KANK1: variants seen among roughly 807,000 people sequenced by gnomAD.
The protein encoded by KANK1 is KN motif and ankyrin repeat domain-containing protein 1.
Under a neutral mutation model 106.2 loss-of-function variants are expected in KANK1, and 109 were observed. That is an observed-to-expected ratio of 1.03 (90% CI 0.88 to 1.20). KANK1 has a LOEUF of 1.20. Among genes scored for constraint, KANK1 ranks in the 50% most tolerant of loss-of-function variants. The probability of loss-of-function intolerance (pLI) is 0.00; values close to 1 mark genes in which losing one functional copy is unlikely to be tolerated. For missense variants in KANK1, 2,399 were observed against 1,710.7 expected (o/e 1.40, Z -7.10); for synonymous variants, 873 against 652.2 (o/e 1.34, Z -5.16).
intron 1 of KANK1, among the ~76,000 whole-genome samples, chr9:653,986 G>C (rs1015590588): frequency 2.0e-4 from 30 of 152,136 alleles, no homozygotes; most frequent in African/African-American, 5.6e-4. Flanking sequence ...ATACTTCCTG[G>C]TTACAGCCAA....
At chr9:619,507 A>G (rs960619887) in intron 1 of KANK1, among the ~76,000 whole-genome samples, 1 of 152,186 alleles carries the variant, frequency 6.6e-6, no homozygotes, top group Admixed American at 6.5e-5. Flanking sequence ...AGAAGAGCCA[A>G]CATTAGTTCA....
intron 1 of KANK1, among the ~76,000 whole-genome samples, chr9:574,574 C>G (rs977498852): frequency 2.0e-5 from 3 of 152,040 alleles, no homozygotes; most frequent in South Asian, 2.1e-4. Flanking sequence ...TATTCTTTCT[C>G]AGCCGCGCGT....
chr9:575,814 G>A (rs993537296), intron 1 of KANK1, among the ~76,000 whole-genome samples: 4 of 152,248 alleles, frequency 2.6e-5, no homozygotes, highest in Non-Finnish European at 5.9e-5. Context: ...CTTGAGGTCA[G>A]GAGTTCAAGA....
At chr9:556,494 A>G (rs2061592487) in intron 1 of KANK1, among the ~76,000 whole-genome samples, 2 of 152,198 alleles carry the variant, frequency 1.3e-5, no homozygotes, top group Non-Finnish European at 2.9e-5. Context: ...TTAAAGTGCT[A>G]TGATGTACAA....
rs555171832 is a variant in KANK1, at chr9:723,017, A to C, written c.2699-7034A>C. On this transcript the variant is annotated intron_variant, in intron 3 of 11. Transcript: ENST00000382297. ...ATAGAAAAAAGACTAGAGAAGATAG[A>C]ATTTGGGCCAAGCCTTGAAAAGAGT... Among the ~76,000 whole-genome samples the C allele has an allele frequency of 1.1e-4, 17 of 152,316 alleles. 1 individual carries two copies. The East Asian group carries it at 2.9e-3, about 26-fold the overall frequency.
At chr9:490,355 G>GA (rs1235826738) in intron 3 of KANK1, among the ~76,000 whole-genome samples, 3 of 151,700 alleles carry the variant, frequency 2.0e-5, no homozygotes, top group South Asian at 2.1e-4. Flanking sequence ...AAATTAAAAA[G>GA]AAAAAAAAGC....
In KANK1 at chr9:738,637, A is replaced by G. The variant is rs59681432; in HGVS notation, c.3553+133A>G. The G allele has an allele frequency of 2.3e-3, 1,639 of 700,426 alleles. 21 individuals are homozygous for G. In the African/African-American group the frequency reaches 0.026, roughly 11 times the overall value. 43.4% of individuals were successfully genotyped at this position (700,426 alleles called of 1,614,324 possible). ...CCTTTTTATTGCTTTTCCACATGAC[A>G]TGGCAAGAATTTTCTTGAGTCATTC... On this transcript the variant is annotated intron_variant, in intron 8 of 11. Coordinates refer to ENST00000382297, the MANE Select transcript of KANK1 (RefSeq NM_015158.5).
Position 713,016 on chromosome 9 carries a change from G to T in KANK1, c.2250G>T (p.Arg750Ser). ...TTTCTGGCCATTCTGGGTTTGACAG[G>T]CCATCAGCTGTGAAGACCAAAGAGT... ...TLLSGHSGFD[R>S]PSAVKTKESG... is the part of the protein sequence containing the mutation. The change falls in exon 3 of 12, where the codon AGG becomes AGT. Residue 750 changes from arginine to serine, a missense_variant. Arg to Ser is a moderately radical substitution (Grantham distance 110, BLOSUM62 -1). Coordinates refer to ENST00000382297, the MANE Select transcript of KANK1 (RefSeq NM_015158.5). 1 of 1,614,154 alleles carries T rather than the reference G, an allele frequency of 6.2e-7. No individual in the cohort carries two copies. Among genetic ancestry groups the T allele is most frequent in the Non-Finnish European group, 8.5e-7 (1 of 1,180,018 alleles).
At chr9:724,217 T>C (rs10815530) in intron 3 of KANK1, among the ~76,000 whole-genome samples, 55,008 of 151,946 alleles carry the variant, frequency 0.36, 11,766 homozygotes, top group Non-Finnish European at 0.49. Context: ...TTAGAGTTCT[T>C]TTAGGGACAT....
At chr9:476,094 T>C (rs1409524492) in intron 3 of KANK1, among the ~76,000 whole-genome samples, 1 of 148,324 alleles carries the variant, frequency 6.7e-6, no homozygotes, top group African/African-American at 2.5e-5. Flanking sequence ...CTCACTGTGA[T>C]CCACCTGCTT....
intron 1 of KANK1, among the ~76,000 whole-genome samples, chr9:587,582 ATTATT>A (rs1386529243): frequency 6.6e-6 from 1 of 152,190 alleles, no homozygotes; most frequent in Admixed American, 6.5e-5. Context: ...ATTGTACTAT[ATTATT>A]TTCCAAGTTT....
chr9:656,315 C>T (rs911012933), intron 1 of KANK1, among the ~76,000 whole-genome samples: 4 of 152,138 alleles, frequency 2.6e-5, no homozygotes, highest in Non-Finnish European at 4.4e-5. Context: ...GTTTAAGTCC[C>T]GTCTGTGGAA....
intron 1 of KANK1, among the ~76,000 whole-genome samples, chr9:568,446 G>GT (rs1587886992): frequency 6.6e-6 from 1 of 152,202 alleles, no homozygotes; most frequent in East Asian, 1.9e-4. Context: ...AGTCTGTGGG[G>GT]TTTTTTTCCT....
chr9:604,047 A>T (rs1418174390), intron 1 of KANK1, among the ~76,000 whole-genome samples: 1 of 148,998 alleles, frequency 6.7e-6, no homozygotes, highest in Non-Finnish European at 1.5e-5. Flanking sequence ...ATGTTTGGGG[A>T]GGAGAATGGA....
chr9:689,778 G>C (rs1057232021), intron 2 of KANK1, among the ~76,000 whole-genome samples: 2 of 152,078 alleles, frequency 1.3e-5, no homozygotes, highest in Admixed American at 6.5e-5. Flanking sequence ...AACTCTTCAG[G>C]GGTTTGGGGA....
intron 1 of KANK1, among the ~76,000 whole-genome samples, chr9:661,615 T>C (rs1174515710): frequency 6.6e-6 from 1 of 152,072 alleles, no homozygotes; most frequent in Non-Finnish European, 1.5e-5. Context: ...AGCAGCATGA[T>C]TTATAATCCT....
intron 1 of KANK1, among the ~76,000 whole-genome samples, chr9:596,117 G>A (rs1826144665): frequency 6.6e-6 from 1 of 151,804 alleles, no homozygotes; most frequent in Admixed American, 6.6e-5. Context: ...ATGAAATAAA[G>A]TTTTGACCGC....
intron 1 of KANK1, among the ~76,000 whole-genome samples, chr9:573,112 C>T (rs1182147835): frequency 6.6e-6 from 1 of 152,128 alleles, no homozygotes; most frequent in East Asian, 1.9e-4. Flanking sequence ...TATGCTGCTG[C>T]AGTCAGTCAA....
chr9:554,400 T>A (rs2061456995), intron 1 of KANK1, among the ~76,000 whole-genome samples: 1 of 152,168 alleles, frequency 6.6e-6, no homozygotes, highest in South Asian at 2.1e-4. Flanking sequence ...CCCTCACTGA[T>A]TGGATGACAC....
Sources: gnomAD v4.1 joint callset for allele counts (sites outside exome capture counted in the v4.1 genomes callset) on GRCh38, gnomAD v4.1.1 for gene constraint, MANE v1.5 for transcripts, NCBI Gene and HGNC (gene_info 2026-07-23, HGNC 2026-07-21) for gene names.